The following PTPRD variants were observed in gnomAD, a reference collection of about 807,000 sequenced individuals.
PTPRD encodes protein tyrosine phosphatase receptor type D.
Under a neutral mutation model 214.5 loss-of-function variants are expected in PTPRD, and 34 were observed. The observed-to-expected ratio is 0.16, with a 90% confidence interval of 0.12 to 0.21. The LOEUF (loss-of-function observed/expected upper bound fraction) is 0.21, where lower values mean the gene tolerates loss of function less well. Among genes scored for constraint, PTPRD ranks in the 10% least tolerant of loss-of-function variants. The pLI, the probability that PTPRD is intolerant of heterozygous loss-of-function variation, is 1.00. For missense variants in PTPRD, 2,545 were observed against 2,398.7 expected (o/e 1.06, Z -1.27); for synonymous variants, 1,128 against 845.7 (o/e 1.33, Z -5.79).
chr9:10,185,343 T>A (rs2099325105), intron 3 of PTPRD, among the ~76,000 whole-genome samples: 2 of 152,180 alleles, frequency 1.3e-5, no homozygotes, highest in Non-Finnish European at 2.9e-5. Flanking sequence ...TACTTTCCAA[T>A]TTCGAATGAT....
chr9:9,268,971 G>A (rs1403710406), intron 9 of PTPRD, among the ~76,000 whole-genome samples: 3 of 147,602 alleles, frequency 2.0e-5, no homozygotes, highest in Admixed American at 1.3e-4. Context: ...GAAATGACCC[G>A]AAAAGCACAG....
chr9:9,467,337 C>CA (rs1438527885), intron 8 of PTPRD, among the ~76,000 whole-genome samples: 1 of 150,210 alleles, frequency 6.7e-6, no homozygotes, highest in Non-Finnish European at 1.5e-5. Flanking sequence ...CCTGTAATCC[C>CA]AGACCTTTGG....
At chr9:9,512,949 GATA>G (rs924011874) in intron 8 of PTPRD, among the ~76,000 whole-genome samples, 1 of 150,948 alleles carries the variant, frequency 6.6e-6, no homozygotes, top group Non-Finnish European at 1.5e-5. Flanking sequence ...TTCTTTCAAT[GATA>G]ATAACAATTT....
intron 9 of PTPRD, among the ~76,000 whole-genome samples, chr9:9,353,346 T>A (rs368187347): frequency 6.6e-6 from 1 of 151,990 alleles, no homozygotes; most frequent in African/African-American, 2.4e-5. Flanking sequence ...AACAGAACTA[T>A]TGAACTACAG....
intron 35 of PTPRD, among the ~76,000 whole-genome samples, chr9:8,409,943 T>C (rs1474149658): frequency 1.3e-5 from 2 of 152,208 alleles, no homozygotes; most frequent in Admixed American, 1.3e-4. Flanking sequence ...AAAGAAACAG[T>C]ATCTTTTCAC....
chr9:8,934,479 A>ATG (rs1567100134), intron 11 of PTPRD, among the ~76,000 whole-genome samples: 5 of 4,248 alleles, frequency 1.2e-3, no homozygotes, highest in Non-Finnish European at 2.9e-3. Flanking sequence ...ATATATATAA[A>ATG]TATATATATA....
chr9:9,948,495 G>A (rs1050632491), intron 4 of PTPRD, among the ~76,000 whole-genome samples: 1 of 152,012 alleles, frequency 6.6e-6, no homozygotes, highest in Non-Finnish European at 1.5e-5. Context: ...AAAAATGTGA[G>A]ACATAAAGGA....
intron 11 of PTPRD, among the ~76,000 whole-genome samples, chr9:8,873,221 T>C (rs1399536212): frequency 6.6e-6 from 1 of 152,168 alleles, no homozygotes. Flanking sequence ...TCAATAAATA[T>C]TGAATGAAGG....
rs371769883 is a variant in PTPRD, at chr9:9,019,553, A to G, written c.-142-818T>C. 7.2e-5 allele frequency among the ~76,000 whole-genome samples: 11 copies of G among 152,040 alleles called. No individual in the cohort carries two copies. In the South Asian group the frequency reaches 1.9e-3, roughly 26 times the overall value. On this transcript the variant is annotated intron_variant, in intron 10 of 45. Transcript: ENST00000381196. ...AACCCCATCTCTACTCAAAATACAA[A>G]TAATTAGCCAGGCGTGGTCGTGTGC...
At chr9:10,308,244 A>T (rs1334837316) in intron 3 of PTPRD, among the ~76,000 whole-genome samples, 1 of 151,976 alleles carries the variant, frequency 6.6e-6, no homozygotes, top group Non-Finnish European at 1.5e-5. Flanking sequence ...TTTTGTATAT[A>T]GTGAGAGATA....
chr9:10,454,810 T>TACACAC (rs111248967), intron 2 of PTPRD, among the ~76,000 whole-genome samples: 1 of 150,058 alleles, frequency 6.7e-6, no homozygotes, highest in African/African-American at 2.4e-5. Context: ...TAAAAATGTT[T>TACACAC]ACACACACAC....
chr9:8,717,528 T>A (rs753573344), intron 12 of PTPRD, among the ~76,000 whole-genome samples: 4 of 152,266 alleles, frequency 2.6e-5, no homozygotes, highest in African/African-American at 9.6e-5. Context: ...ATCCTCCACA[T>A]AGCTGCCAGT....
chr9:9,296,706 G>A (rs551720475), intron 9 of PTPRD, among the ~76,000 whole-genome samples: 1 of 151,676 alleles, frequency 6.6e-6, no homozygotes. Flanking sequence ...TTCAAATGTG[G>A]CTCTGATTGC....
intron 8 of PTPRD, among the ~76,000 whole-genome samples, chr9:9,431,970 T>C (rs954486049): frequency 1.3e-5 from 2 of 150,776 alleles, no homozygotes; most frequent in Admixed American, 1.3e-4. Context: ...AGTTAATGGT[T>C]GCAGCACACC....
intron 8 of PTPRD, among the ~76,000 whole-genome samples, chr9:9,429,769 T>C (rs533758824): frequency 1.3e-5 from 2 of 152,170 alleles, no homozygotes; most frequent in East Asian, 3.9e-4. Flanking sequence ...ATAAACATAA[T>C]CCATCATACG....
chr9:9,050,060 C>T (rs529215209), intron 10 of PTPRD, among the ~76,000 whole-genome samples: 1 of 152,300 alleles, frequency 6.6e-6, no homozygotes, highest in Admixed American at 6.5e-5. Context: ...CATTACTTAT[C>T]ATCTATGTGT....
intron 2 of PTPRD, among the ~76,000 whole-genome samples, chr9:10,551,472 G>T (rs61034211): frequency 0.065 from 9,906 of 152,116 alleles, 345 homozygotes; most frequent in South Asian, 0.096. Context: ...CAGTATTAGG[G>T]AGTAGAGACT....
chr9:9,152,700 T>A (rs1328581081), intron 10 of PTPRD, among the ~76,000 whole-genome samples: 2 of 152,200 alleles, frequency 1.3e-5, no homozygotes, highest in Non-Finnish European at 1.5e-5. Context: ...GAGGCTGATC[T>A]CATTTGTCAC....
At chr9:8,466,101 T>C (rs1591279989) in intron 31 of PTPRD, among the ~76,000 whole-genome samples, 1 of 151,956 alleles carries the variant, frequency 6.6e-6, no homozygotes, top group Non-Finnish European at 1.5e-5. Context: ...AGCCACATTT[T>C]AGAAGAGGTT....
Sources: allele counts gnomAD v4.1 joint callset (sites outside exome capture counted in the v4.1 genomes callset), GRCh38; gene constraint gnomAD v4.1.1; transcripts MANE v1.5; gene names NCBI Gene and HGNC (gene_info 2026-07-23, HGNC 2026-07-21).